Variants in EXOC4 observed in about 807,000 individuals in gnomAD.
The protein encoded by EXOC4 is SEC8-like 1.
Under a neutral mutation model 107.2 loss-of-function variants are expected in EXOC4, and 71 were observed. The observed-to-expected ratio is 0.66, with a 90% confidence interval of 0.55 to 0.81. EXOC4 has a LOEUF of 0.81. Among genes scored for constraint, EXOC4 ranks in the 30% least tolerant of loss-of-function variants. The pLI, the probability that EXOC4 is intolerant of heterozygous loss-of-function variation, is 0.00. For synonymous variants in EXOC4, 456 were observed against 441.2 expected (o/e 1.03, Z -0.42); for missense variants, 1,108 against 1,189.6 (o/e 0.93, Z 1.01).
At chr7:133,689,417 A>G (rs976457153) in intron 10 of EXOC4, among the ~76,000 whole-genome samples, 1 of 152,184 alleles carries the variant, frequency 6.6e-6, no homozygotes, top group African/African-American at 2.4e-5. Context: ...GATCAGTTTC[A>G]ACTGCGAATA....
At chr7:133,392,124 A>C (rs138910616) in intron 7 of EXOC4, among the ~76,000 whole-genome samples, 75 of 152,308 alleles carry the variant, frequency 4.9e-4, no homozygotes, top group Non-Finnish European at 9.1e-4. Flanking sequence ...AATTGGGTTG[A>C]ATTTCATTGG....
chr7:133,983,187 A>C (rs1279390661), intron 14 of EXOC4, among the ~76,000 whole-genome samples: 2 of 152,104 alleles, frequency 1.3e-5, no homozygotes, highest in Non-Finnish European at 2.9e-5. Context: ...GAACTCACTC[A>C]CTATTGTGAG....
intron 14 of EXOC4, among the ~76,000 whole-genome samples, chr7:133,958,432 A>G (rs182424599): frequency 5.5e-4 from 84 of 152,340 alleles, no homozygotes; most frequent in Admixed American, 3.1e-3. Context: ...TATTTTGGTC[A>G]TTAACATACA....
chr7:133,576,591 G>A (rs545787849), intron 9 of EXOC4: 17 of 1,289,778 alleles, frequency 1.3e-5, no homozygotes, highest in Middle Eastern at 2.1e-4. Flanking sequence ...TCTATAAAGC[G>A]GATTTCTCAA....
chr7:133,317,691 T>G (rs1440444298), intron 5 of EXOC4, among the ~76,000 whole-genome samples: 1 of 151,730 alleles, frequency 6.6e-6, no homozygotes, highest in African/African-American at 2.4e-5. Flanking sequence ...TCTTTCTTTC[T>G]TTTTTTTTGA....
intron 11 of EXOC4, among the ~76,000 whole-genome samples, chr7:133,856,896 C>A (rs560118286): frequency 4.6e-5 from 7 of 151,178 alleles, no homozygotes; most frequent in Middle Eastern, 6.8e-3. Context: ...GTCAGGAGAT[C>A]GAGACCATCC....
intron 11 of EXOC4, among the ~76,000 whole-genome samples, chr7:133,880,319 A>T (rs571798331): frequency 2.0e-5 from 3 of 152,278 alleles, no homozygotes; most frequent in African/African-American, 4.8e-5. Context: ...TGTCATTGTT[A>T]TATTTCTATA....
intron 7 of EXOC4, among the ~76,000 whole-genome samples, chr7:133,407,139 T>C (rs928457057): frequency 6.6e-6 from 1 of 152,166 alleles, no homozygotes; most frequent in Non-Finnish European, 1.5e-5. Flanking sequence ...TTATACCTGA[T>C]CACCCTGATC....
chr7:134,021,327 A>T (rs1488951605), intron 17 of EXOC4, among the ~76,000 whole-genome samples: 3 of 152,224 alleles, frequency 2.0e-5, no homozygotes, highest in East Asian at 3.8e-4. Context: ...CATAGTCAAG[A>T]TCGTGCTTAA....
At chr7:133,956,627 A>T (rs1366265516) in intron 14 of EXOC4, among the ~76,000 whole-genome samples, 10 of 152,190 alleles carry the variant, frequency 6.6e-5, no homozygotes, top group Admixed American at 6.5e-4. Flanking sequence ...TGGTCCTTTC[A>T]TCTGGGCTGC....
At chr7:133,570,837 T>G (rs151156112) in intron 9 of EXOC4, among the ~76,000 whole-genome samples, 1 of 152,314 alleles carries the variant, frequency 6.6e-6, no homozygotes, top group East Asian at 1.9e-4. Context: ...CTTAGGCTGA[T>G]GTGTGTTTAT....
At chr7:133,568,875 A>C (rs1379905132) in intron 9 of EXOC4, among the ~76,000 whole-genome samples, 1 of 152,172 alleles carries the variant, frequency 6.6e-6, no homozygotes, top group African/African-American at 2.4e-5. Context: ...ATGAAACTGA[A>C]GGATTTATTT....
chr7:133,430,657 C>T (rs1797835966), intron 7 of EXOC4, among the ~76,000 whole-genome samples: 1 of 152,132 alleles, frequency 6.6e-6, no homozygotes, highest in Non-Finnish European at 1.5e-5. Context: ...CATATAGTAA[C>T]TTTGTGTTTA....
chr7:134,049,996 G>A (rs1795746782), intron 17 of EXOC4, among the ~76,000 whole-genome samples: 1 of 152,174 alleles, frequency 6.6e-6, no homozygotes, highest in African/African-American at 2.4e-5. Context: ...GAGGCAGGTT[G>A]ATATGAACTG....
At chr7:134,000,651 T>C (rs572497593) in intron 15 of EXOC4, among the ~76,000 whole-genome samples, 10 of 152,312 alleles carry the variant, frequency 6.6e-5, no homozygotes, top group Non-Finnish European at 1.5e-4. Flanking sequence ...ACAGAGGCTG[T>C]GTGGCCAATA....
intron 10 of EXOC4, among the ~76,000 whole-genome samples, chr7:133,646,282 G>A (rs1802990034): frequency 6.6e-6 from 1 of 152,156 alleles, no homozygotes; most frequent in South Asian, 2.1e-4. Context: ...ACACTTTGGA[G>A]CTTCTCCAAG....
intron 1 of EXOC4, among the ~76,000 whole-genome samples, chr7:133,257,700 GAC>G (rs1795050771): frequency 6.6e-6 from 1 of 152,194 alleles, no homozygotes; most frequent in African/African-American, 2.4e-5. Context: ...AGCTTTTGAA[GAC>G]ACACTCTGGT....
chr7:134,068,961 AG>A (rs138075329), downstream of EXOC4, among the ~76,000 whole-genome samples: 295 of 152,328 alleles, frequency 1.9e-3, 3 homozygotes, highest in African/African-American at 6.9e-3. Flanking sequence ...CAAAAGAAAC[AG>A]CCCCTTGTGA....
intron 7 of EXOC4, among the ~76,000 whole-genome samples, chr7:133,376,207 G>T (rs1160404129): frequency 6.6e-6 from 1 of 152,090 alleles, no homozygotes; most frequent in Non-Finnish European, 1.5e-5. Flanking sequence ...TGCTTTACTG[G>T]TGGTTCAGTA....
Sources: allele counts gnomAD v4.1 joint callset (sites outside exome capture counted in the v4.1 genomes callset), GRCh38; gene constraint gnomAD v4.1.1; transcripts MANE v1.5; gene names NCBI Gene and HGNC (gene_info 2026-07-23, HGNC 2026-07-21).